Variants in DENND6A observed in about 807,000 individuals in gnomAD.
The protein encoded by DENND6A is protein DENND6A.
A neutral mutation model predicts 95.5 loss-of-function variants in DENND6A; 43 were observed. The ratio of observed to expected loss-of-function variants is 0.45; its 90% CI spans 0.35 to 0.58. DENND6A has a LOEUF of 0.58. DENND6A is among the 20% of genes least tolerant of loss of function. The probability of loss-of-function intolerance (pLI) is 0.00; values close to 1 mark genes in which losing one functional copy is unlikely to be tolerated. For synonymous variants in DENND6A, 257 were observed against 260.4 expected (o/e 0.99, Z 0.13); for missense variants, 574 against 736.0 (o/e 0.78, Z 2.55).
intron 12 of DENND6A, among the ~76,000 whole-genome samples, chr3:57,638,893 AG>A (rs1417313680): frequency 1.3e-5 from 2 of 152,140 alleles, no homozygotes; most frequent in Non-Finnish European, 2.9e-5. Context: ...GCTTGAGCAC[AG>A]GAGTTTAGGA....
rs572365636 is a variant in DENND6A at position 57,681,220 on chromosome 3, C to T, written c.238-8782G>A. On this transcript the variant is annotated intron_variant, in intron 1 of 19. Transcript: ENST00000311128. ...GTGGCTCACACCTGTAATCCCAGCACTTTGGGAGGCTAAGGCAGGCAGATC... is the reference window on the plus strand; with the variant it reads ...GTGGCTCACACCTGTAATCCCAGCATTTTGGGAGGCTAAGGCAGGCAGATC... Among the ~76,000 whole-genome samples, 52 of 152,174 alleles carry T rather than the reference C, an allele frequency of 3.4e-4. 2 individuals are homozygous for T. In the East Asian group the frequency reaches 0.01, roughly 29 times the overall value.
In DENND6A at chr3:57,633,298, A is replaced by G. The variant is rs779020121; in HGVS notation, c.1320T>C (p.Phe440=). 2 of 1,613,892 alleles carry G rather than the reference A, an allele frequency of 1.2e-6. No homozygotes were observed. Among genetic ancestry groups the G allele is most frequent in the East Asian group, 4.5e-5 (2 of 44,844 alleles). The change falls in exon 15 of 20, where the codon TTT becomes TTC. Residue 440 remains phenylalanine (F), a synonymous_variant. Coordinates refer to ENST00000311128, the MANE Select transcript of DENND6A (RefSeq NM_152678.3). ...TGATGAAACTTTGTGTCAGTTCCAA[A>G]AAATAGCGTCGAAGAATAACACTTT... ...EAQSVILRRY[F]LELTQSFIIP...
In DENND6A at chr3:57,663,710, G is replaced by T; in HGVS notation, c.439C>A (p.Pro147Thr). ...KDLPVYLKKDPAYFYGYVYFR... is the reference protein window; with the variant it reads ...KDLPVYLKKDTAYFYGYVYFR... The stretch of plus-strand genomic sequence containing the variant: ...TACACATATCCATAAAAATAAGCAG[G>T]ATCCTTCTAAGAAGAAAGTGACAAG... Residue 147 changes from proline to threonine, a missense_variant, in exon 5 of 20, where the codon CCT (proline) becomes ACT (threonine). Pro to Thr is a conservative substitution (Grantham distance 38, BLOSUM62 -1). This residue lies in a region of DENND6A where 452 missense variants were observed against 630.9 expected (regional missense o/e 0.72). Transcript: ENST00000311128. 6.4e-7 allele frequency: 1 copy of T among 1,569,836 alleles called. No individual in the cohort carries two copies. Among genetic ancestry groups the T allele is most frequent in the Non-Finnish European group, 8.7e-7 (1 of 1,155,604 alleles).
chr3:57,660,049 G>T (rs1430684513), intron 7 of DENND6A, among the ~76,000 whole-genome samples: 1 of 152,158 alleles, frequency 6.6e-6, no homozygotes, highest in African/African-American at 2.4e-5. Flanking sequence ...GCCTGAAGTT[G>T]TGTGACTAAT....
At chr3:57,688,493 C>T (rs758224319) in intron 1 of DENND6A, among the ~76,000 whole-genome samples, 1 of 151,956 alleles carries the variant, frequency 6.6e-6, no homozygotes, top group Non-Finnish European at 1.5e-5. Flanking sequence ...AATGGGACAC[C>T]TGTCCCATGC....
intron 12 of DENND6A, among the ~76,000 whole-genome samples, chr3:57,641,306 T>G (rs899583888): frequency 4.2e-5 from 6 of 144,090 alleles, no homozygotes; most frequent in Non-Finnish European, 7.6e-5. Flanking sequence ...TATTTAAATA[T>G]ATATTTATAT....
intron 1 of DENND6A, among the ~76,000 whole-genome samples, chr3:57,678,295 T>G (rs2077127067): frequency 6.6e-6 from 1 of 152,186 alleles, no homozygotes; most frequent in Non-Finnish European, 1.5e-5. Flanking sequence ...ATAAATGCCT[T>G]GATAAACAGC....
rs189421149 is a variant in DENND6A, at chr3:57,653,516, C to T, written c.818+4164G>A. On this transcript the variant is annotated intron_variant, in intron 9 of 19. Coordinates refer to ENST00000311128, the MANE Select transcript of DENND6A (RefSeq NM_152678.3). ...ATCCCAGCACTTTGGGAGGCTGAGGCGGGCAGATCGTGAGGTCAGGAGATC... is the reference window on the plus strand; with the variant it reads ...ATCCCAGCACTTTGGGAGGCTGAGGTGGGCAGATCGTGAGGTCAGGAGATC... Among the ~76,000 whole-genome samples the T allele has an allele frequency of 4.0e-3, 607 of 151,948 alleles. 6 individuals carry two copies. The highest frequency in any genetic ancestry group is 0.014 in the African/African-American group (581 of 41,456).
At chr3:57,660,677 C>T (rs1664227187) in intron 7 of DENND6A, 83 bp downstream of exon 7, 3 of 1,261,086 alleles carry the variant, frequency 2.4e-6, no homozygotes, top group Non-Finnish European at 3.2e-6. Flanking sequence ...CACTGTACTC[C>T]AGCCTGGGTG....
Position 57,627,120 on chromosome 3 carries a change from A to G in DENND6A, c.*1094T>C, listed in dbSNP as rs2070548389. ...CCAAGTTCATTAGTTTAAACATTTA[A>G]TAATATTTAAATTAGTATTTATTTA... On this transcript the variant is annotated 3_prime_UTR_variant, in exon 20 of 20. Transcript: ENST00000311128. 1 of 152,152 alleles carries G rather than the reference A, an allele frequency of 6.6e-6. No individual in the cohort carries two copies. The highest frequency in any genetic ancestry group is 1.5e-5 in the Non-Finnish European group (1 of 68,018). 9.4% of individuals were successfully genotyped at this position (152,152 alleles called of 1,614,324 possible).
At chr3:57,664,669 C>T (rs1205107949) in intron 4 of DENND6A, among the ~76,000 whole-genome samples, 2 of 152,040 alleles carry the variant, frequency 1.3e-5, no homozygotes, top group African/African-American at 2.4e-5. Flanking sequence ...CCTGTCTCTA[C>T]TAAAAATACA....
At chr3:57,652,895 T>C (rs77189032) in intron 9 of DENND6A, among the ~76,000 whole-genome samples, 3,964 of 152,314 alleles carry the variant, frequency 0.026, 170 homozygotes, top group African/African-American at 0.09. Context: ...AGACTGAAGA[T>C]GACTAATGAG....
intron 1 of DENND6A, among the ~76,000 whole-genome samples, chr3:57,677,221 C>T (rs17058450): frequency 0.13 from 19,411 of 152,110 alleles, 1,350 homozygotes; most frequent in South Asian, 0.21. Context: ...TCTAATGGTA[C>T]CTTCTATTCC....
chr3:57,675,532 G>A (rs138938142), intron 1 of DENND6A, among the ~76,000 whole-genome samples: 1 of 152,164 alleles, frequency 6.6e-6, no homozygotes, highest in Admixed American at 6.5e-5. Flanking sequence ...CACAATAAAG[G>A]CTATCCTAAT....
intron 1 of DENND6A, among the ~76,000 whole-genome samples, chr3:57,673,552 G>A (rs1289416010): frequency 6.6e-6 from 1 of 152,112 alleles, no homozygotes; most frequent in Non-Finnish European, 1.5e-5. Context: ...AATTTATTGT[G>A]TATTTCAAAA....
intron 11 of DENND6A, among the ~76,000 whole-genome samples, chr3:57,645,270 G>C (rs2153413785): frequency 6.6e-6 from 1 of 152,098 alleles, no homozygotes; most frequent in South Asian, 2.1e-4. Context: ...AGATCAGCCT[G>C]ATCAACATGG....
intron 4 of DENND6A, among the ~76,000 whole-genome samples, chr3:57,664,641 T>A (rs1173124276): frequency 6.6e-6 from 1 of 152,160 alleles, no homozygotes; most frequent in East Asian, 1.9e-4. Context: ...AAGACCATCC[T>A]GGCCAACATG....
At chr3:57,658,392 T>C (rs950916247) in intron 8 of DENND6A, among the ~76,000 whole-genome samples, 19 of 152,200 alleles carry the variant, frequency 1.2e-4, no homozygotes, top group Middle Eastern at 3.4e-3. Context: ...TAGCCAGGCA[T>C]GGTGGCATGC....
At chr3:57,656,755 G>A (rs1461125504) in intron 9 of DENND6A, among the ~76,000 whole-genome samples, 4 of 152,094 alleles carry the variant, frequency 2.6e-5, no homozygotes, top group African/African-American at 4.8e-5. Context: ...TCAGGAGTTC[G>A]AGACCAGCCT....
Sources: gnomAD v4.1 joint callset for allele counts (sites outside exome capture counted in the v4.1 genomes callset) on GRCh38, gnomAD v4.1.1 for gene constraint, gnomAD v4.1.1 regional missense constraint, MANE v1.5 for transcripts, NCBI Gene and HGNC (gene_info 2026-07-23, HGNC 2026-07-21) for gene names.